The following NFIA variants were observed in gnomAD, a reference collection of about 807,000 sequenced individuals.
NFIA encodes nuclear factor I A, also known as nuclear factor 1 A-type.
A neutral mutation model predicts 62.8 loss-of-function variants in NFIA; 8 were observed. That is an observed-to-expected ratio of 0.13 (90% CI 0.07 to 0.23). The LOEUF is 0.23. Among genes scored for constraint, NFIA ranks in the 10% least tolerant of loss-of-function variants. NFIA has a pLI of 1.00. For missense variants in NFIA, 410 were observed against 642.1 expected (o/e 0.64, Z 3.91); for synonymous variants, 235 against 238.1 (o/e 0.99, Z 0.12).
rs559917945 is a variant in NFIA at position 61,383,463 on chromosome 1, G to T, written c.1075+98G>T. ...CAATGAGGACTCCCCCTGAACACTC[G>T]TGAGGCAGTGAGTGTTCCAATTTCT... On this transcript the variant is annotated intron_variant, in intron 7 of 10. Coordinates refer to ENST00000403491, the MANE Select transcript of NFIA (RefSeq NM_001134673.4). The T allele has an allele frequency of 5.8e-6, 8 of 1,390,368 alleles. No homozygotes were observed. In the South Asian group the frequency reaches 1.1e-4, roughly 19 times the overall value. 86.1% of individuals were successfully genotyped at this position (1,390,368 alleles called of 1,614,324 possible).
At chr1:61,299,973 G>C (rs1304751974) in intron 3 of NFIA, among the ~76,000 whole-genome samples, 2 of 152,038 alleles carry the variant, frequency 1.3e-5, no homozygotes, top group Non-Finnish European at 2.9e-5. Flanking sequence ...AAATATCTGA[G>C]GGTTTGTGAG....
intron 2 of NFIA, among the ~76,000 whole-genome samples, chr1:61,096,952 A>G (rs943786488): frequency 6.6e-6 from 1 of 152,216 alleles, no homozygotes; most frequent in African/African-American, 2.4e-5. Flanking sequence ...AGTATAATTT[A>G]TACTATATTA....
intron 3 of NFIA, among the ~76,000 whole-genome samples, chr1:61,281,271 C>T (rs1658114964): frequency 6.6e-6 from 1 of 151,592 alleles, no homozygotes; most frequent in Admixed American, 6.6e-5. Flanking sequence ...AAATAAAATA[C>T]TAAAAGGACG....
intron 2 of NFIA, among the ~76,000 whole-genome samples, chr1:61,175,086 C>T (rs988087212): frequency 1.3e-5 from 2 of 151,832 alleles, no homozygotes; most frequent in Non-Finnish European, 2.9e-5. Flanking sequence ...AGGCCAGGCA[C>T]CAAAGCATTA....
chr1:61,098,323 A>G (rs888334036), intron 2 of NFIA, among the ~76,000 whole-genome samples: 4 of 152,226 alleles, frequency 2.6e-5, no homozygotes, highest in Non-Finnish European at 4.4e-5. Flanking sequence ...TGAAGCAAAG[A>G]TTCTAGATAA....
chr1:61,222,103 A>G (rs1328119473), intron 2 of NFIA, among the ~76,000 whole-genome samples: 1 of 152,170 alleles, frequency 6.6e-6, no homozygotes, highest in Non-Finnish European at 1.5e-5. Flanking sequence ...ATGAAGTTTT[A>G]AAGTGATCTA....
chr1:61,080,853 TAGAC>T (rs1170886674), upstream of NFIA, among the ~76,000 whole-genome samples: 2 of 152,234 alleles, frequency 1.3e-5, no homozygotes, highest in Non-Finnish European at 2.9e-5. Context: ...AAAATAACTT[TAGAC>T]AGATGCAGAA....
chr1:61,202,755 G>A (rs1652596990), intron 2 of NFIA, among the ~76,000 whole-genome samples: 1 of 152,164 alleles, frequency 6.6e-6, no homozygotes, highest in South Asian at 2.1e-4. Context: ...CACAGGAGGA[G>A]AATTAGCAGG....
chr1:61,127,841 C>G (rs1647002810), intron 2 of NFIA, among the ~76,000 whole-genome samples: 3 of 152,102 alleles, frequency 2.0e-5, no homozygotes, highest in African/African-American at 7.2e-5. Flanking sequence ...CAGGATTGTT[C>G]ACCAGAAGGT....
chr1:61,180,976 C>T (rs752778573), intron 2 of NFIA, among the ~76,000 whole-genome samples: 26 of 152,262 alleles, frequency 1.7e-4, no homozygotes, highest in Non-Finnish European at 2.6e-4. Flanking sequence ...TTCTCAATGA[C>T]GGGGCTGGCA....
intron 2 of NFIA, among the ~76,000 whole-genome samples, chr1:61,207,531 C>T (rs770981110): frequency 5.9e-5 from 9 of 152,168 alleles, no homozygotes; most frequent in Non-Finnish European, 1.2e-4. Context: ...CTGGGATACT[C>T]ACGAGACATC....
intron 2 of NFIA, among the ~76,000 whole-genome samples, chr1:61,228,163 T>C (rs1353813820): frequency 6.6e-6 from 1 of 152,214 alleles, no homozygotes; most frequent in Non-Finnish European, 1.5e-5. Context: ...CCTATTATAA[T>C]GTTCTTTTTT....
At chr1:61,167,149 A>G (rs1649630653) in intron 2 of NFIA, among the ~76,000 whole-genome samples, 1 of 152,208 alleles carries the variant, frequency 6.6e-6, no homozygotes, top group Non-Finnish European at 1.5e-5. Context: ...TAAACAAAAA[A>G]AGAATTTACA....
chr1:61,082,426 G>A, upstream of NFIA: 2 of 1,006,656 alleles, frequency 2.0e-6, no homozygotes, highest in Non-Finnish European at 2.4e-6. Flanking sequence ...GCGGTGCAGA[G>A]CGGAGGCGGA....
chr1:61,143,973 G>A (rs1288925529), intron 2 of NFIA, among the ~76,000 whole-genome samples: 7 of 152,206 alleles, frequency 4.6e-5, no homozygotes, highest in African/African-American at 1.4e-4. Flanking sequence ...AATCTACTTA[G>A]TTTACACACA....
At chr1:61,235,470 A>ATAAATAAG (rs1160301856) in intron 2 of NFIA, among the ~76,000 whole-genome samples, 15 of 141,736 alleles carry the variant, frequency 1.1e-4, no homozygotes, top group African/African-American at 4.0e-4. Flanking sequence ...CTCAAAATAA[A>ATAAATAAG]TAAATAAATA....
chr1:61,301,236 C>T (rs1321003519), intron 3 of NFIA, among the ~76,000 whole-genome samples: 2 of 152,078 alleles, frequency 1.3e-5, no homozygotes, highest in African/African-American at 4.8e-5. Flanking sequence ...TCTTTTAGGG[C>T]CCACTAACTA....
intron 2 of NFIA, among the ~76,000 whole-genome samples, chr1:61,187,792 G>A (rs192001032): frequency 6.6e-6 from 1 of 152,272 alleles, no homozygotes; most frequent in East Asian, 1.9e-4. Flanking sequence ...TTAAAGTCCT[G>A]TCCCTGCTGA....
intron 7 of NFIA, among the ~76,000 whole-genome samples, chr1:61,394,405 C>G (rs1665163890): frequency 6.6e-6 from 1 of 152,064 alleles, no homozygotes; most frequent in South Asian, 2.1e-4. Flanking sequence ...AAACTCCTGA[C>G]CTTGTGATCT....
Sources: allele counts gnomAD v4.1 joint callset (sites outside exome capture counted in the v4.1 genomes callset), GRCh38; gene constraint gnomAD v4.1.1; transcripts MANE v1.5; gene names NCBI Gene and HGNC (gene_info 2026-07-23, HGNC 2026-07-21).